RAP1GAP2: variants seen among roughly 807,000 people sequenced by gnomAD.
RAP1GAP2 encodes RAP1 GTPase activating protein 2, also known as rap1 GTPase-activating protein 2.
RAP1GAP2 carries 27 observed loss-of-function variants against 95.0 expected under a neutral mutation model. The ratio of observed to expected loss-of-function variants is 0.28; its 90% CI spans 0.21 to 0.39. RAP1GAP2 has a LOEUF of 0.39. RAP1GAP2 is among the 10% of genes least tolerant of loss of function. The probability of loss-of-function intolerance (pLI) is 1.00; values close to 1 mark genes in which losing one functional copy is unlikely to be tolerated. For synonymous variants in RAP1GAP2, 373 were observed against 380.9 expected (o/e 0.98, Z 0.24); for missense variants, 771 against 970.0 (o/e 0.79, Z 2.72).
At chr17:2,862,784 G>A (rs184300859) in intron 2 of RAP1GAP2, among the ~76,000 whole-genome samples, 21 of 152,182 alleles carry the variant, frequency 1.4e-4, no homozygotes, top group Admixed American at 5.2e-4. Context: ...GATCACTCAA[G>A]GCTGGGAGTT....
chr17:2,784,654 C>T (rs1032987510), intron 1 of RAP1GAP2, among the ~76,000 whole-genome samples: 11 of 152,202 alleles, frequency 7.2e-5, no homozygotes, highest in African/African-American at 2.7e-4. Context: ...TCCCCAGATC[C>T]CCGCCTACTC....
In RAP1GAP2 at chr17:3,006,010, G is replaced by C. The variant is rs917099267; in HGVS notation, c.1328G>C (p.Cys443Ser). 1.9e-6 allele frequency: 3 copies of C among 1,613,586 alleles called. No homozygotes were observed. Among genetic ancestry groups the C allele is most frequent in the Non-Finnish European group, 2.5e-6 (3 of 1,179,818 alleles). Reference protein sequence around the residue: ...LTKLTNAENACCKSDKFAKLE... With the variant: ...LTKLTNAENASCKSDKFAKLE... Reference sequence around the variant, plus strand: ...AAGCTCACCAATGCCGAGAACGCCTGCTGCAAGTCGGACAAGTTTGCAAAG... The same window carrying C: ...AAGCTCACCAATGCCGAGAACGCCTCCTGCAAGTCGGACAAGTTTGCAAAG... Residue 443 changes from cysteine to serine, a missense_variant, in exon 16 of 25, where the codon TGC becomes TCC. Physicochemically the swap from Cys to Ser is moderately radical, Grantham distance 112 (BLOSUM62 -1). Transcript: ENST00000254695.
intron 19 of RAP1GAP2, among the ~76,000 whole-genome samples, chr17:3,025,048 G>A (rs1282994890): frequency 6.6e-6 from 1 of 152,206 alleles, no homozygotes; most frequent in Admixed American, 6.5e-5. Context: ...GTTCTGTGGT[G>A]TGTAGATTCT....
upstream of RAP1GAP2, among the ~76,000 whole-genome samples, chr17:2,796,038 T>C (rs2069070657): frequency 1.3e-5 from 2 of 152,102 alleles, no homozygotes; most frequent in South Asian, 4.1e-4. The surrounding 1 kb of genome is among the most constrained non-coding windows in gnomAD (Gnocchi z 4.7). Context: ...CGAGCCATGG[T>C]GGGGCAGGCA....
At chr17:3,026,248 CG>C in intron 20 of RAP1GAP2, 101 bp from the exon 21 acceptor site, 5 of 1,301,002 alleles carry the variant, frequency 3.8e-6, no homozygotes, top group Non-Finnish European at 5.4e-6. Flanking sequence ...CAAAGGCCGA[CG>C]GGTGGGGGCG....
rs2069102863 is a variant in RAP1GAP2 at position 2,796,826 on chromosome 17, G to A, written c.44+255G>A. 6.6e-6 allele frequency among the ~76,000 whole-genome samples: 1 copy of A among 152,042 alleles called. No individual in the cohort carries two copies. Among genetic ancestry groups the A allele is most frequent in the East Asian group, 1.9e-4 (1 of 5,186 alleles). ...CCGGCTGCCCGTGGGGAGGTGGATAGCATGAGTGTGACTGCAGTTGAATGT... is the reference window on the plus strand; with the variant it reads ...CCGGCTGCCCGTGGGGAGGTGGATAACATGAGTGTGACTGCAGTTGAATGT... On this transcript the variant is annotated intron_variant, in intron 1 of 24. Coordinates refer to ENST00000254695, the MANE Select transcript of RAP1GAP2 (RefSeq NM_015085.5). The surrounding 1 kb of genome is among the most constrained non-coding windows in gnomAD (Gnocchi z 4.7).
intron 2 of RAP1GAP2, among the ~76,000 whole-genome samples, chr17:2,819,367 G>A (rs2070181302): frequency 6.7e-6 from 1 of 150,168 alleles, no homozygotes; most frequent in Admixed American, 6.7e-5. Context: ...CTCTGCTGGA[G>A]TGCAGTGGCA....
rs866368771 is a variant in RAP1GAP2 at position 2,890,823 on chromosome 17, C to T, written c.81-14461C>T. 1.1e-4 allele frequency among the ~76,000 whole-genome samples: 17 copies of T among 151,720 alleles called. No individual in the cohort carries two copies. The South Asian group carries it at 2.9e-3, about 26-fold the overall frequency. On this transcript the variant is annotated intron_variant, in intron 2 of 24. Coordinates refer to ENST00000254695, the MANE Select transcript of RAP1GAP2 (RefSeq NM_015085.5). ...TCTCAGCCTCCCGAGTAGCTGGGAC[C>T]ACAGGCGCCCGCCACCACGCCCGGC...
Position 2,797,050 on chromosome 17 carries a change from T to C in RAP1GAP2, c.44+479T>C, listed in dbSNP as rs2069110770. On this transcript the variant is annotated intron_variant, in intron 1 of 24. Coordinates refer to ENST00000254695, the MANE Select transcript of RAP1GAP2 (RefSeq NM_015085.5). This position sits in a 1 kb window ranked among gnomAD's most constrained non-coding sequence, Gnocchi z 5.6. ...CTGCACTTCTGGCCTTCTGTGTCTG[T>C]GTGTGCTTGTGTCTGCGTGTTTGTG... is the stretch of plus-strand genomic sequence containing the variant. 6.6e-6 allele frequency among the ~76,000 whole-genome samples: 1 copy of C among 152,078 alleles called. No individual in the cohort carries two copies.
At chr17:2,776,802 C>T (rs1007810192), upstream of RAP1GAP2, among the ~76,000 whole-genome samples, 12 of 150,338 alleles carry the variant, frequency 8.0e-5, no homozygotes, top group Non-Finnish European at 1.8e-4. Flanking sequence ...GGCAGGACTG[C>T]TGCGAGGGAC....
chr17:3,007,980 G>C lies in RAP1GAP2; in HGVS notation c.1360-31G>C, dbSNP rs767954593. 2.5e-6 allele frequency: 4 copies of C among 1,609,440 alleles called. No homozygotes were observed. In the South Asian group the frequency reaches 4.4e-5, roughly 18 times the overall value. ...AGGCACATCTCTGCTCTCAGAGCCA[G>C]CTTCTCCATCCCCACCCTCTTCCCT... On this transcript the variant is annotated intron_variant, in intron 16 of 24. Transcript: ENST00000254695.
chr17:2,963,267 G>A lies in RAP1GAP2; in HGVS notation c.247-163G>A, dbSNP rs2044420171. ...TTCTGTCAGTTTGGAGAAGAACATG[G>A]GGGATGTTAGATTCCAGAGCTGATT... is the stretch of plus-strand genomic sequence containing the variant. On this transcript the variant is annotated intron_variant, in intron 5 of 24. Coordinates refer to ENST00000254695, the MANE Select transcript of RAP1GAP2 (RefSeq NM_015085.5). This position sits in a 1 kb window ranked among gnomAD's most constrained non-coding sequence, Gnocchi z 4.8. The A allele has an allele frequency of 3.8e-6, 3 of 792,308 alleles. No individual in the cohort carries two copies. Among genetic ancestry groups the A allele is most frequent in the African/African-American group, 1.7e-5 (1 of 58,984 alleles). The allele number at this position is 792,308 out of a possible 1,614,324, so 49.1% of individuals were successfully genotyped here.
chr17:2,938,450 A>G (rs2043372390), intron 3 of RAP1GAP2, among the ~76,000 whole-genome samples: 3 of 152,028 alleles, frequency 2.0e-5, no homozygotes, highest in African/African-American at 7.2e-5. Flanking sequence ...ACATGTCATT[A>G]GTGTTGGAAA....
At chr17:2,807,943 C>T (rs1022017414) in intron 2 of RAP1GAP2, among the ~76,000 whole-genome samples, 4 of 152,168 alleles carry the variant, frequency 2.6e-5, no homozygotes, top group South Asian at 2.1e-4. Flanking sequence ...GGAGACCCTC[C>T]GCTGGCCTGC....
At position 2,867,022 on chromosome 17, in the gene RAP1GAP2, T is replaced by A. The variant is rs1186441327; in HGVS notation, c.81-38262T>A. Among the ~76,000 whole-genome samples the A allele has an allele frequency of 2.6e-5, 4 of 152,150 alleles. No individual in the cohort carries two copies. Among genetic ancestry groups the A allele is most frequent in the African/African-American group, 9.7e-5 (4 of 41,440 alleles). ...TTCGAATGATTCTTCTGCCTCATTC[T>A]CCCAAGTAGCTGGGATTACAGGTGC... On this transcript the variant is annotated intron_variant, in intron 2 of 24. Transcript: ENST00000254695. The surrounding 1 kb of genome is among the most constrained non-coding windows in gnomAD (Gnocchi z 4.5).
upstream of RAP1GAP2, among the ~76,000 whole-genome samples, chr17:2,794,326 G>T (rs375114205): frequency 6.6e-6 from 1 of 152,142 alleles, no homozygotes; most frequent in Non-Finnish European, 1.5e-5. Flanking sequence ...TCCTGACCCT[G>T]GAGGTGGATT....
At chr17:2,995,596 CA>C in intron 13 of RAP1GAP2, 130 bp downstream of exon 13, 9 of 1,278,246 alleles carry the variant, frequency 7.0e-6, no homozygotes, top group Non-Finnish European at 9.7e-6. Context: ...TTCAGCTGCG[CA>C]GCAGCGTCAC....
At chr17:2,804,518 CT>C (rs1410137672) in intron 2 of RAP1GAP2, among the ~76,000 whole-genome samples, 1 of 152,244 alleles carries the variant, frequency 6.6e-6, no homozygotes, top group Non-Finnish European at 1.5e-5. Context: ...TCCCGCCCTA[CT>C]TTCCCATATT....
In RAP1GAP2 at chr17:2,866,877, G is replaced by C. The variant is rs1421577376; in HGVS notation, c.81-38407G>C. 6.6e-6 allele frequency among the ~76,000 whole-genome samples: 1 copy of C among 150,388 alleles called. No homozygotes were observed. The highest frequency in any genetic ancestry group is 2.0e-4 in the East Asian group (1 of 5,078). On this transcript the variant is annotated intron_variant, in intron 2 of 24. Coordinates refer to ENST00000254695, the MANE Select transcript of RAP1GAP2 (RefSeq NM_015085.5). This position sits in a 1 kb window ranked among gnomAD's most constrained non-coding sequence, Gnocchi z 4.0. ...GGCCTCCCAAAGTGCTGGGATTACA[G>C]GTGTGAGCCACTGCACTCGGCCTAT...
Sources: gnomAD v4.1 joint callset for allele counts (sites outside exome capture counted in the v4.1 genomes callset) on GRCh38, gnomAD v4.1.1 for gene constraint, Gnocchi (gnomAD v3.1) non-coding constraint, MANE v1.5 for transcripts, NCBI Gene and HGNC (gene_info 2026-07-23, HGNC 2026-07-21) for gene names.